The following PRKAG2 variants were observed in gnomAD, a reference collection of about 807,000 sequenced individuals.
PRKAG2 encodes 5'-AMP-activated protein kinase subunit gamma-2.
PRKAG2 carries 26 observed loss-of-function variants against 69.6 expected under a neutral mutation model. The ratio of observed to expected loss-of-function variants is 0.37; its 90% CI spans 0.27 to 0.52. PRKAG2 has a LOEUF of 0.52. Ranked by LOEUF, PRKAG2 falls within the 20% of genes least tolerant of loss-of-function variation. The pLI is 0.90. For synonymous variants in PRKAG2, 293 were observed against 285.0 expected (o/e 1.03, Z -0.28); for missense variants, 557 against 740.0 (o/e 0.75, Z 2.87).
At position 151,781,353 on chromosome 7, in the gene PRKAG2, T is replaced by C. The variant is rs1471914210; in HGVS notation, c.265A>G (p.Met89Val). 3 of 1,613,422 alleles carry C rather than the reference T, an allele frequency of 1.9e-6. No individual in the cohort carries two copies. The highest frequency in any genetic ancestry group is 1.1e-5 in the South Asian group (1 of 91,048). The change falls in exon 3 of 16, where the codon ATG (methionine) becomes GTG (valine). Residue 89 changes from methionine (M) to valine (V), a missense_variant. Physicochemically the swap from Met to Val is conservative, Grantham distance 21 (BLOSUM62 1). Around this residue, in one of 2 missense-constraint regions of PRKAG2, gnomAD observed 352 missense variants for 356.7 expected, o/e 0.99. Coordinates refer to ENST00000287878, the MANE Select transcript of PRKAG2 (RefSeq NM_016203.4). This position sits in a 1 kb window ranked among gnomAD's most constrained non-coding sequence, Gnocchi z 6.1. ...GTCTTGGGCCTCACAGGTGCAGACA[T>C]GGGGCTGGAGGGCCGGGGCTGGGGG... is the stretch of plus-strand genomic sequence containing the variant. ...RGPQPRPSSP[M>V]SAPVRPKTSP...
At position 151,781,572 on chromosome 7, in the gene PRKAG2, C is replaced by T. The variant is rs1004371694; in HGVS notation, c.187-141G>A. The T allele has an allele frequency of 9.1e-7, 1 of 1,100,356 alleles. No homozygotes were observed. Among genetic ancestry groups the T allele is most frequent in the Non-Finnish European group, 1.3e-6 (1 of 765,082 alleles). The allele number at this position is 1,100,356 out of a possible 1,614,324, so 68.2% of individuals were successfully genotyped here. A position where few individuals can be genotyped will look rare whatever the true frequency, so the allele number is the denominator to read the frequency against. On this transcript the variant is annotated intron_variant, in intron 2 of 15. Coordinates refer to ENST00000287878, the MANE Select transcript of PRKAG2 (RefSeq NM_016203.4). The surrounding 1 kb of genome is among the most constrained non-coding windows in gnomAD (Gnocchi z 6.1). ...CCCAGAGAAACAGCCCTAAGCTCTTCCACAGAGGTAGCCACTGAATGGTCT... is the reference window on the plus strand; with the variant it reads ...CCCAGAGAAACAGCCCTAAGCTCTTTCACAGAGGTAGCCACTGAATGGTCT...
At chr7:151,784,132 C>A (rs939148308) in intron 2 of PRKAG2, among the ~76,000 whole-genome samples, 1 of 151,974 alleles carries the variant, frequency 6.6e-6, no homozygotes, top group African/African-American at 2.4e-5. Flanking sequence ...ACTTGGTTGT[C>A]CAAGCCTCGT....
At chr7:151,634,105 T>C (rs1230303109) in intron 4 of PRKAG2, among the ~76,000 whole-genome samples, 1 of 152,102 alleles carries the variant, frequency 6.6e-6, no homozygotes, top group Non-Finnish European at 1.5e-5. Context: ...CGCTTAATAT[T>C]AAAGCAAACT....
At chr7:151,585,651 C>T (rs565181374) in intron 6 of PRKAG2, among the ~76,000 whole-genome samples, 14 of 152,298 alleles carry the variant, frequency 9.2e-5, no homozygotes, top group Non-Finnish European at 1.8e-4. Context: ...AATCTTTCTG[C>T]GTTTCGATTA....
chr7:151,811,179 T>C (rs2078401889), intron 1 of PRKAG2, among the ~76,000 whole-genome samples: 2 of 152,242 alleles, frequency 1.3e-5, no homozygotes, highest in Non-Finnish European at 2.9e-5. Context: ...TTGCTCCCAC[T>C]GCTTTGGAAG....
intron 3 of PRKAG2, among the ~76,000 whole-genome samples, chr7:151,678,246 T>C (rs1833267975): frequency 6.6e-6 from 1 of 151,908 alleles, no homozygotes; most frequent in Non-Finnish European, 1.5e-5. Context: ...GTAAGTCCCC[T>C]CTCCCCACCA....
chr7:151,773,031 G>A (rs201797619), intron 3 of PRKAG2, among the ~76,000 whole-genome samples: 9,961 of 31,292 alleles, frequency 0.32, 1,934 homozygotes, highest in East Asian at 0.8. Context: ...GAAAGAGAGA[G>A]AGAGAGAGAG....
At chr7:151,796,246 G>C (rs894789818) in intron 1 of PRKAG2, among the ~76,000 whole-genome samples, 1 of 151,976 alleles carries the variant, frequency 6.6e-6, no homozygotes, top group Non-Finnish European at 1.5e-5. Flanking sequence ...CTCAGTCATC[G>C]GGTGGGCTCT....
intron 3 of PRKAG2, among the ~76,000 whole-genome samples, chr7:151,711,041 GCTTAGAGTACTGAGAGTGCTAGA>G (rs1365072877): frequency 2.0e-5 from 3 of 152,152 alleles, no homozygotes; most frequent in East Asian, 1.9e-4. Flanking sequence ...AGAGTGCTAG[GCTTAGAGTACTGAGAGTGCTAGA>G]CTTAGAGTAC....
chr7:151,759,425 TC>T (rs2075288943), intron 3 of PRKAG2, among the ~76,000 whole-genome samples: 1 of 152,152 alleles, frequency 6.6e-6, no homozygotes, highest in South Asian at 2.1e-4. Context: ...TAGAATGGTA[TC>T]CCCACGAGGG....
chr7:151,847,518 G>A (rs2079462821), intron 1 of PRKAG2, among the ~76,000 whole-genome samples: 1 of 152,248 alleles, frequency 6.6e-6, no homozygotes, highest in East Asian at 1.9e-4. Flanking sequence ...ATCGACACCT[G>A]AGACCCTGTG....
chr7:151,762,817 C>T (rs1016641877), intron 3 of PRKAG2, among the ~76,000 whole-genome samples: 1 of 152,210 alleles, frequency 6.6e-6, no homozygotes, highest in African/African-American at 2.4e-5. Context: ...GCATCCTTTA[C>T]AGAGCAGACG....
intron 4 of PRKAG2, among the ~76,000 whole-genome samples, chr7:151,636,475 A>G (rs938395760): frequency 3.3e-4 from 51 of 152,328 alleles, no homozygotes; most frequent in African/African-American, 1.2e-3. Context: ...AACACGGATC[A>G]GCACTTCATT....
At chr7:151,723,002 C>T (rs769505180) in intron 3 of PRKAG2, among the ~76,000 whole-genome samples, 6 of 152,100 alleles carry the variant, frequency 3.9e-5, no homozygotes, top group Admixed American at 2.0e-4. Flanking sequence ...AAAGACATCC[C>T]CTGCAGCCTG....
chr7:151,832,369 C>T (rs10237865), intron 1 of PRKAG2, among the ~76,000 whole-genome samples: 6,484 of 152,012 alleles, frequency 0.043, 468 homozygotes, highest in African/African-American at 0.15. Flanking sequence ...TTGTTGGGGG[C>T]GAAGCAGAAG....
rs1466448519 is a variant in PRKAG2, at chr7:151,780,872, TGTGA to T, written c.466+276_466+279del. Reference sequence around the variant, plus strand: ...ATCTGATTGTCCATACAAGCTGTACTGTGAGTATCAGGATGTTTACAGTTAACCC... The same window carrying T: ...ATCTGATTGTCCATACAAGCTGTACTGTATCAGGATGTTTACAGTTAACCC... On this transcript the variant is annotated intron_variant, in intron 3 of 15. Coordinates refer to ENST00000287878, the MANE Select transcript of PRKAG2 (RefSeq NM_016203.4). This position sits in a 1 kb window ranked among gnomAD's most constrained non-coding sequence, Gnocchi z 4.2. 2.0e-5 allele frequency among the ~76,000 whole-genome samples: 3 copies of T among 152,210 alleles called. No homozygotes were observed. The highest frequency in any genetic ancestry group is 4.1e-4 in the South Asian group (2 of 4,832).
At chr7:151,775,933 A>G (rs2076322801) in intron 3 of PRKAG2, among the ~76,000 whole-genome samples, 1 of 152,160 alleles carries the variant, frequency 6.6e-6, no homozygotes, top group Non-Finnish European at 1.5e-5. Context: ...CTGATCCAGG[A>G]ATAGATTTCA....
Position 151,868,407 on chromosome 7 carries a change from T to A in PRKAG2, c.114+8100A>T, listed in dbSNP as rs142309130. On this transcript the variant is annotated intron_variant, in intron 1 of 15. Coordinates refer to ENST00000287878, the MANE Select transcript of PRKAG2 (RefSeq NM_016203.4). ...AGTGGGGGCTTCTAAGAACTCCGTATGGTTAAGCCCGAAGGACGCAGCTGA... is the reference window on the plus strand; with the variant it reads ...AGTGGGGGCTTCTAAGAACTCCGTAAGGTTAAGCCCGAAGGACGCAGCTGA... Among the ~76,000 whole-genome samples the A allele has an allele frequency of 2.7e-3, 411 of 152,308 alleles. 8 individuals are homozygous for A. The South Asian group carries it at 0.032, about 12-fold the overall frequency.
intron 4 of PRKAG2, among the ~76,000 whole-genome samples, chr7:151,634,239 G>A (rs1262904487): frequency 6.6e-6 from 1 of 152,188 alleles, no homozygotes; most frequent in Non-Finnish European, 1.5e-5. Context: ...TGATGGAGGT[G>A]TAAAAGCAAT....
Sources: allele counts gnomAD v4.1 joint callset (sites outside exome capture counted in the v4.1 genomes callset), GRCh38; gene constraint gnomAD v4.1.1; regional missense constraint gnomAD v4.1.1; non-coding constraint Gnocchi (gnomAD v3.1); transcripts MANE v1.5; gene names NCBI Gene and HGNC (gene_info 2026-07-23, HGNC 2026-07-21).